IFNLR1: variants seen among roughly 807,000 people sequenced by gnomAD.
IFNLR1 encodes the protein CRF2-12.
A neutral mutation model predicts 52.5 loss-of-function variants in IFNLR1; 28 were observed. That is an observed-to-expected ratio of 0.53 (90% CI 0.40 to 0.73). The LOEUF (loss-of-function observed/expected upper bound fraction) is 0.73. IFNLR1 is among the 30% of genes least tolerant of loss of function. The pLI, the probability that IFNLR1 is intolerant of heterozygous loss-of-function variation, is 0.00. For missense variants in IFNLR1, 623 were observed against 659.1 expected (o/e 0.95, Z 0.60); for synonymous variants, 276 against 274.9 (o/e 1.00, Z -0.04).
intron 4 of IFNLR1, among the ~76,000 whole-genome samples, chr1:24,159,849 T>G (rs1185257211): frequency 6.6e-6 from 1 of 151,378 alleles, no homozygotes; most frequent in Non-Finnish European, 1.5e-5. Context: ...GCTCAAGCGA[T>G]CCTCCTACCT....
chr1:24,169,463 G>A lies in IFNLR1; in HGVS notation c.321C>T (p.Ser107=), dbSNP rs141902174. ...ATTCGGACTCCACCCAGGGGGACTTGGAGCTGGGAGAAACCGTCCGCACGC... is the reference window on the plus strand; with the variant it reads ...ATTCGGACTCCACCCAGGGGGACTTAGAGCTGGGAGAAACCGTCCGCACGC... ...KGRVRTVSPS[S]KSPWVESEYL... The change falls in exon 3 of 7, where the codon TCC becomes TCT. Residue 107 remains serine (S), a synonymous_variant. Coordinates refer to ENST00000327535, the MANE Select transcript of IFNLR1 (RefSeq NM_170743.4). 55 of 1,614,090 alleles carry A rather than the reference G, an allele frequency of 3.4e-5. No individual in the cohort carries two copies. The highest frequency in any genetic ancestry group is 1.6e-4 in the Middle Eastern group (1 of 6,084).
Position 24,154,302 on chromosome 1 carries a change from G to A in IFNLR1, c.*2828C>T, listed in dbSNP as rs1484029888. 1 of 152,122 alleles carries A rather than the reference G, an allele frequency of 6.6e-6. No homozygotes were observed. Among genetic ancestry groups the A allele is most frequent in the African/African-American group, 2.4e-5 (1 of 41,414 alleles). 9.4% of individuals were successfully genotyped at this position (152,122 alleles called of 1,614,324 possible). A position where few individuals can be genotyped will look rare whatever the true frequency, so the allele number is the denominator to read the frequency against. On this transcript the variant is annotated 3_prime_UTR_variant, in exon 7 of 7. Coordinates refer to ENST00000327535, the MANE Select transcript of IFNLR1 (RefSeq NM_170743.4). The stretch of plus-strand genomic sequence containing the variant: ...CAAATACATAAGAACAACATATACC[G>A]TTAGTAGTCTAAAGGGATACATGTT...
At chr1:24,174,141 C>CA (rs1339001779) in intron 2 of IFNLR1, among the ~76,000 whole-genome samples, 1 of 152,192 alleles carries the variant, frequency 6.6e-6, no homozygotes, top group Non-Finnish European at 1.5e-5. Context: ...AGTGAACACA[C>CA]ACAGAGAAAA....
At chr1:24,181,707 A>G (rs1264539778) in intron 1 of IFNLR1, among the ~76,000 whole-genome samples, 5 of 152,166 alleles carry the variant, frequency 3.3e-5, no homozygotes. Context: ...TCAGGAACCC[A>G]GGCCCAGCCC....
rs1644392777 is a variant in IFNLR1, at chr1:24,157,426, C to G, written c.1267G>C (p.Glu423Gln). 6.2e-7 allele frequency: 1 copy of G among 1,614,058 alleles called. No individual in the cohort carries two copies. Among genetic ancestry groups the G allele is most frequent in the Admixed American group, 1.7e-5 (1 of 60,012 alleles). Residue 423 changes from glutamate to glutamine, a missense_variant, in exon 7 of 7, where the codon GAA (glutamate) becomes CAA (glutamine). Transcript: ENST00000327535. The surrounding 1 kb of genome is among the most constrained non-coding windows in gnomAD (Gnocchi z 5.1). ...GQGPGGDGHQ[E>Q]SLPPPEFSKD... ...GAGAATTCAGGTGGTGGGAGAGATT[C>G]TTGGTGCCCATCCCCACCCGGCCCT... is the stretch of plus-strand genomic sequence containing the variant.
intron 2 of IFNLR1, among the ~76,000 whole-genome samples, chr1:24,176,008 A>G (rs528223917): frequency 1.3e-4 from 20 of 152,114 alleles, no homozygotes; most frequent in African/African-American, 4.8e-4. Flanking sequence ...AAAGGACACA[A>G]ATTTTGGGAG....
In IFNLR1 at chr1:24,180,823, C is replaced by T; in HGVS notation, c.90G>A (p.Val30=). 6.2e-7 allele frequency: 1 copy of T among 1,613,942 alleles called. No individual in the cohort carries two copies. Among genetic ancestry groups the T allele is most frequent in the Non-Finnish European group, 8.5e-7 (1 of 1,179,950 alleles). The change falls in exon 2 of 7, where the codon GTG becomes GTA. Residue 30 remains valine, a synonymous_variant. Transcript: ENST00000327535. ...CGCTGAAGTTCTGGGAGAGCAGCGT[C>T]ACATTCTGGGGAGGGGCCAGACGGG... ...GRPRLAPPQN[V]TLLSQNFSVY...
At position 24,157,561 on chromosome 1, in the gene IFNLR1, C is replaced by T. The variant is rs772933526; in HGVS notation, c.1132G>A (p.Glu378Lys). ...GRPRAPLVPS[E>K]GSSAWDSSDR... ...GAAGAATCCCAAGCAGAGGAGCCTT[C>T]GCTTGGGACCAGAGGAGCCCTGGGC... The change falls in exon 7 of 7, where the codon GAA becomes AAA. Residue 378 changes from glutamate (E) to lysine (K), a missense_variant. By Grantham distance (56) the Glu-to-Lys change is moderately conservative. Transcript: ENST00000327535. This position sits in a 1 kb window ranked among gnomAD's most constrained non-coding sequence, Gnocchi z 5.1. 7.3e-5 allele frequency: 117 copies of T among 1,611,956 alleles called. No individual in the cohort carries two copies. The highest frequency in any genetic ancestry group is 8.0e-5 in the Non-Finnish European group (94 of 1,179,086).
At chr1:24,185,066 A>G (rs1267616318) in intron 1 of IFNLR1, among the ~76,000 whole-genome samples, 5 of 152,106 alleles carry the variant, frequency 3.3e-5, no homozygotes, top group Non-Finnish European at 7.4e-5. Flanking sequence ...GCTAATGTGT[A>G]TTGTGTTCTG....
At chr1:24,181,803 G>T (rs1644693367) in intron 1 of IFNLR1, among the ~76,000 whole-genome samples, 1 of 152,152 alleles carries the variant, frequency 6.6e-6, no homozygotes. Flanking sequence ...CTTGGACATG[G>T]ATCAGACAAG....
At chr1:24,181,908 T>A (rs1481176200) in intron 1 of IFNLR1, among the ~76,000 whole-genome samples, 1 of 152,030 alleles carries the variant, frequency 6.6e-6, no homozygotes, top group Non-Finnish European at 1.5e-5. Flanking sequence ...AGGTAAGAAG[T>A]ATTTCATGGG....
Position 24,159,033 on chromosome 1 carries a change from A to AT in IFNLR1, c.801+18_801+19insA. ...CTCAACCCCTCCCCACCTGCTGCAC[A>AT]CCCCCAGATTTGCTATACCAGGGCC... On this transcript the variant is annotated intron_variant, in intron 6 of 6. Transcript: ENST00000327535. The AT allele has an allele frequency of 6.2e-7, 1 of 1,610,258 alleles. No individual in the cohort carries two copies. The highest frequency in any genetic ancestry group is 8.5e-7 in the Non-Finnish European group (1 of 1,177,984).
intron 2 of IFNLR1, among the ~76,000 whole-genome samples, chr1:24,177,326 A>C (rs979338320): frequency 2.0e-5 from 3 of 152,218 alleles, no homozygotes; most frequent in African/African-American, 7.2e-5. Context: ...CTCAGTCCGA[A>C]TCTGAAACCC....
intron 2 of IFNLR1, among the ~76,000 whole-genome samples, chr1:24,176,377 T>C (rs1430975710): frequency 6.6e-6 from 1 of 152,244 alleles, no homozygotes; most frequent in Non-Finnish European, 1.5e-5. Flanking sequence ...TCTGGGGTGA[T>C]AGAGAACGTC....
At position 24,157,179 on chromosome 1, in the gene IFNLR1, T is replaced by C. The variant is rs1393848687; in HGVS notation, c.1514A>G (p.Gln505Arg). 1.9e-6 allele frequency: 3 copies of C among 1,614,112 alleles called. No homozygotes were observed. Among genetic ancestry groups the C allele is most frequent in the Non-Finnish European group, 2.5e-6 (3 of 1,180,014 alleles). Residue 505 changes from glutamine to arginine, a missense_variant, in exon 7 of 7, where the codon CAG becomes CGG. By Grantham distance (43) the Gln-to-Arg change is conservative. Transcript: ENST00000327535. This position sits in a 1 kb window ranked among gnomAD's most constrained non-coding sequence, Gnocchi z 5.1. ...DAGSWGAEST[Q>R]RTEDRGRTLG... ...TGTCCGGCCCCTGTCCTCGGTCCTC[T>C]GGGTGCTCTCAGCCCCCCAGCTGCC... is the stretch of plus-strand genomic sequence containing the variant.
At position 24,182,132 on chromosome 1, in the gene IFNLR1, C is replaced by G. The variant is rs542563769; in HGVS notation, c.59-1278G>C. 4.0e-5 allele frequency among the ~76,000 whole-genome samples: 6 copies of G among 150,162 alleles called. No homozygotes were observed. The East Asian group carries it at 7.8e-4, about 20-fold the overall frequency. The stretch of plus-strand genomic sequence containing the variant: ...CGAGAATTGCTTGAACCCAGGAGGA[C>G]GAGGTTGCAGTGAGCTGAGATTGTG... On this transcript the variant is annotated intron_variant, in intron 1 of 6. Transcript: ENST00000327535.
In IFNLR1 at chr1:24,156,957, G is replaced by A. The variant is rs1283429181; in HGVS notation, c.*173C>T. ...AAGAGGGCGGGTCACAGGAGGGAGGGGCATCTTGTTGCTCAGCCCGACAGG... is the reference window on the plus strand; with the variant it reads ...AAGAGGGCGGGTCACAGGAGGGAGGAGCATCTTGTTGCTCAGCCCGACAGG... On this transcript the variant is annotated 3_prime_UTR_variant, in exon 7 of 7. Transcript: ENST00000327535. The A allele has an allele frequency of 7.4e-6, 5 of 674,698 alleles. No individual in the cohort carries two copies. In the African/African-American group the frequency reaches 9.0e-5, roughly 12 times the overall value. 41.8% of individuals were successfully genotyped at this position (674,698 alleles called of 1,614,324 possible).
rs57834061 is a variant in IFNLR1, at chr1:24,176,035, A to G, written c.182+4696T>C. Among the ~76,000 whole-genome samples the G allele has an allele frequency of 9.8e-3, 1,488 of 152,302 alleles. 19 individuals are homozygous for G. The highest frequency in any genetic ancestry group is 0.035 in the African/African-American group (1,437 of 41,562). Reference sequence around the variant, plus strand: ...TTTTGGGAGGCCAGAGGGCAAGCATATGGCAGCCCTAGCAAATGAATACCT... The same window carrying G: ...TTTTGGGAGGCCAGAGGGCAAGCATGTGGCAGCCCTAGCAAATGAATACCT... On this transcript the variant is annotated intron_variant, in intron 2 of 6. Coordinates refer to ENST00000327535, the MANE Select transcript of IFNLR1 (RefSeq NM_170743.4).
At position 24,161,749 on chromosome 1, in the gene IFNLR1, C is replaced by T. The variant is rs1183585818; in HGVS notation, c.368-65G>A. On this transcript the variant is annotated intron_variant, in intron 3 of 6. Coordinates refer to ENST00000327535, the MANE Select transcript of IFNLR1 (RefSeq NM_170743.4). Reference sequence around the variant, plus strand: ...GCCGCACTGCCTCCATCCCCCAAGACCAGAGAGCTCTCTTGGAAATGGAAA... The same window carrying T: ...GCCGCACTGCCTCCATCCCCCAAGATCAGAGAGCTCTCTTGGAAATGGAAA... 4.9e-6 allele frequency: 7 copies of T among 1,414,518 alleles called. No individual in the cohort carries two copies. The African/African-American group carries it at 5.8e-5, about 12-fold the overall frequency. The allele number at this position is 1,414,518 out of a possible 1,614,324, so 87.6% of individuals were successfully genotyped here.
Sources: allele counts gnomAD v4.1 joint callset (sites outside exome capture counted in the v4.1 genomes callset), GRCh38; gene constraint gnomAD v4.1.1; non-coding constraint Gnocchi (gnomAD v3.1); transcripts MANE v1.5; gene names NCBI Gene and HGNC (gene_info 2026-07-23, HGNC 2026-07-21).